Variants in WWOX observed in about 807,000 individuals in gnomAD.
WWOX encodes WW domain-containing oxidoreductase.
WWOX carries 69 observed loss-of-function variants against 46.2 expected under a neutral mutation model. The observed-to-expected ratio is 1.49, with a 90% CI of 1.23 to 1.82. The LOEUF (loss-of-function observed/expected upper bound fraction) is 1.82, where lower values mean the gene tolerates loss of function less well. Among genes scored for constraint, WWOX ranks in the 40% most tolerant of loss-of-function variants. The pLI, the probability that WWOX is intolerant of heterozygous loss-of-function variation, is 0.00. For missense variants in WWOX, 919 were observed against 542.6 expected (o/e 1.69, Z -6.89); for synonymous variants, 359 against 202.6 (o/e 1.77, Z -6.56).
In WWOX at chr16:78,815,636, C is replaced by T. The variant is rs140145393; in HGVS notation, c.1056+382884C>T. Reference sequence around the variant, plus strand: ...AGGGAGTCTCTCTGGAAGGAAACTTCGTCTGAGCCATGGCTCCTTTTGCTT... The same window carrying T: ...AGGGAGTCTCTCTGGAAGGAAACTTTGTCTGAGCCATGGCTCCTTTTGCTT... On this transcript the variant is annotated intron_variant, in intron 8 of 8. Transcript: ENST00000566780. Among the ~76,000 whole-genome samples the T allele has an allele frequency of 1.1e-3, 165 of 152,318 alleles. 1 individual carries two copies. The highest frequency in any genetic ancestry group is 3.6e-3 in the African/African-American group (149 of 41,570).
intron 5 of WWOX, among the ~76,000 whole-genome samples, chr16:78,247,803 C>T (rs991638880): frequency 6.6e-6 from 1 of 152,122 alleles, no homozygotes; most frequent in Non-Finnish European, 1.5e-5. Context: ...GTGCTCCTCA[C>T]CCAAGCAGGC....
At chr16:78,659,552 C>G (rs1375598113) in intron 8 of WWOX, among the ~76,000 whole-genome samples, 1 of 151,950 alleles carries the variant, frequency 6.6e-6, no homozygotes, top group Admixed American at 6.6e-5. Context: ...GAAAAAAAAA[C>G]CTTTCGAGAC....
chr16:78,846,139 T>C (rs1419124183), intron 8 of WWOX, among the ~76,000 whole-genome samples: 2 of 152,162 alleles, frequency 1.3e-5, no homozygotes, highest in Non-Finnish European at 2.9e-5. Context: ...TTTGTTCCAG[T>C]TTTTAAATTT....
chr16:78,573,041 A>G (rs142777554), intron 8 of WWOX, among the ~76,000 whole-genome samples: 1,874 of 152,322 alleles, frequency 0.012, 14 homozygotes, highest in Non-Finnish European at 0.017. Context: ...TAATCCCAGC[A>G]CTTTGGGAGG....
chr16:79,209,897 C>T (rs1047701743), intron 8 of WWOX, among the ~76,000 whole-genome samples: 35 of 152,292 alleles, frequency 2.3e-4, no homozygotes, highest in African/African-American at 7.7e-4. Flanking sequence ...ATGACATGAA[C>T]TCATTTCCAT....
chr16:78,162,642 C>T (rs2151733866), intron 4 of WWOX, among the ~76,000 whole-genome samples: 1 of 152,146 alleles, frequency 6.6e-6, no homozygotes, highest in East Asian at 1.9e-4. Flanking sequence ...GTGTATGCGT[C>T]ATTGATTTTG....
At chr16:78,140,059 A>C (rs1597255759) in intron 4 of WWOX, among the ~76,000 whole-genome samples, 1 of 152,194 alleles carries the variant, frequency 6.6e-6, no homozygotes, top group Non-Finnish European at 1.5e-5. Context: ...GCAGAGTCAG[A>C]GAATCTCTAG....
chr16:78,551,502 C>T (rs956192458), intron 8 of WWOX: 1 of 152,204 alleles, frequency 6.6e-6, no homozygotes, highest in African/African-American at 2.4e-5. Context: ...GGAGGCTGGG[C>T]TAAGGTGTTC....
chr16:78,913,668 T>C (rs1274748858), intron 8 of WWOX, among the ~76,000 whole-genome samples: 1 of 151,760 alleles, frequency 6.6e-6, no homozygotes, highest in Non-Finnish European at 1.5e-5. Flanking sequence ...CAGTTTTTTT[T>C]TTTTCTTTTT....
chr16:78,808,338 G>A (rs2051097059), intron 8 of WWOX, among the ~76,000 whole-genome samples: 1 of 152,196 alleles, frequency 6.6e-6, no homozygotes, highest in South Asian at 2.1e-4. Flanking sequence ...TGTATATGCT[G>A]CAAGTATTTT....
At chr16:78,149,334 G>A (rs148147749) in intron 4 of WWOX, among the ~76,000 whole-genome samples, 17 of 152,334 alleles carry the variant, frequency 1.1e-4, no homozygotes, top group African/African-American at 4.1e-4. Flanking sequence ...AACTATTGAT[G>A]TTGGAAGAAC....
At chr16:78,916,235 T>A (rs1461193419) in intron 8 of WWOX, among the ~76,000 whole-genome samples, 2 of 152,192 alleles carry the variant, frequency 1.3e-5, no homozygotes, top group Non-Finnish European at 2.9e-5. Context: ...ACAAACAAGT[T>A]TGCCGGCCAG....
chr16:78,436,680 A>G (rs2083342250), intron 8 of WWOX, among the ~76,000 whole-genome samples: 1 of 152,186 alleles, frequency 6.6e-6, no homozygotes, highest in South Asian at 2.1e-4. Flanking sequence ...TCAAATTCAC[A>G]GGCATTCACT....
intron 5 of WWOX, chr16:78,179,918 C>T: frequency 6.6e-6 from 1 of 152,324 alleles, no homozygotes; most frequent in Non-Finnish European, 1.5e-5. Flanking sequence ...GGTAAAACAG[C>T]TGAGCCATGG....
At chr16:78,458,472 G>C (rs1007769247) in intron 8 of WWOX, among the ~76,000 whole-genome samples, 5 of 151,884 alleles carry the variant, frequency 3.3e-5, no homozygotes, top group African/African-American at 9.7e-5. Context: ...TGTTGCCCAG[G>C]CTGGTCTGGA....
intron 6 of WWOX, among the ~76,000 whole-genome samples, chr16:78,407,989 C>A (rs1012190125): frequency 1.3e-5 from 2 of 152,152 alleles, no homozygotes; most frequent in African/African-American, 4.8e-5. Context: ...TCCCCTGTCC[C>A]TGCTCAAGTT....
Position 79,122,947 on chromosome 16 carries a change from G to A in WWOX, c.1057-88661G>A, listed in dbSNP as rs537194977. ...GCAATGGGACCCTTGCCGGGGCCTC[G>A]CCATCCACATGGTCATTGCCTCAAA... On this transcript the variant is annotated intron_variant, in intron 8 of 8. Transcript: ENST00000566780. Among the ~76,000 whole-genome samples, 7 of 152,266 alleles carry A rather than the reference G, an allele frequency of 4.6e-5. No individual in the cohort carries two copies. In the East Asian group the frequency reaches 7.7e-4, roughly 17 times the overall value.
chr16:78,628,250 C>A (rs568573317), intron 8 of WWOX, among the ~76,000 whole-genome samples: 4 of 152,284 alleles, frequency 2.6e-5, no homozygotes, highest in African/African-American at 9.6e-5. Context: ...TAAGGCCTCT[C>A]CCTCATGTCA....
At chr16:78,760,264 A>G (rs181921398) in intron 8 of WWOX, among the ~76,000 whole-genome samples, 1 of 152,324 alleles carries the variant, frequency 6.6e-6, no homozygotes, top group Non-Finnish European at 1.5e-5. Flanking sequence ...TGAGAACAAT[A>G]TGGGAGAAAT....
Sources: gnomAD v4.1 joint callset for allele counts (sites outside exome capture counted in the v4.1 genomes callset) on GRCh38, gnomAD v4.1.1 for gene constraint, MANE v1.5 for transcripts, NCBI Gene and HGNC (gene_info 2026-07-23, HGNC 2026-07-21) for gene names.